Variants in NXPE2 observed in about 807,000 individuals in gnomAD.
NXPE2 encodes neurexophilin and PC-esterase domain family member 2.
Under a neutral mutation model 34.4 loss-of-function variants are expected in NXPE2, and 34 were observed. The observed-to-expected ratio is 0.99, with a 90% CI of 0.75 to 1.31. NXPE2 has a LOEUF of 1.31. Among genes scored for constraint, NXPE2 ranks in the 40% most tolerant of loss-of-function variants. NXPE2 has a pLI of 0.00. For missense variants in NXPE2, 649 were observed against 672.5 expected, an observed-to-expected ratio of 0.97 and a Z score of 0.39; for synonymous variants, 235 against 231.3, an observed-to-expected ratio of 1.02 and a Z score of -0.15.
chr11:114,772,309 A>G, the NXPE2 span, among the ~76,000 whole-genome samples: 1 of 152,150 alleles, frequency 6.6e-6, no homozygotes, highest in African/African-American at 2.4e-5. Context: ...GGTAATTAGT[A>G]CAGACTCTGA....
At chr11:114,617,106 C>T in the NXPE2 span, among the ~76,000 whole-genome samples, 2 of 151,430 alleles carry the variant, frequency 1.3e-5, 1 homozygote, top group South Asian at 4.2e-4. Context: ...ATAAGTGTTG[C>T]CTCGTGGGTA....
At chr11:114,530,048 A>G in the NXPE2 span, 1 of 972,264 alleles carries the variant, frequency 1.0e-6, no homozygotes, top group Non-Finnish European at 1.5e-6. Flanking sequence ...CCCCAAGAAG[A>G]CACCACATGT....
At chr11:114,593,047 T>C in the NXPE2 span, among the ~76,000 whole-genome samples, 1 of 152,226 alleles carries the variant, frequency 6.6e-6, no homozygotes, top group Non-Finnish European at 1.5e-5. Context: ...TAAAGACTGA[T>C]ATGCATGACC....
the NXPE2 span, among the ~76,000 whole-genome samples, chr11:114,561,232 T>C: frequency 6.6e-6 from 1 of 152,226 alleles, no homozygotes; most frequent in South Asian, 2.1e-4. Flanking sequence ...AAACAGTTTC[T>C]GACACTTAGT....
chr11:114,535,310 C>T, the NXPE2 span, among the ~76,000 whole-genome samples: 1 of 152,150 alleles, frequency 6.6e-6, no homozygotes, highest in Non-Finnish European at 1.5e-5. Context: ...GCAACCGGTA[C>T]CAGCCACTGC....
upstream of NXPE2, among the ~76,000 whole-genome samples, chr11:114,675,340 A>G (rs934217261): frequency 6.6e-6 from 1 of 151,906 alleles, no homozygotes; most frequent in Admixed American, 6.6e-5. Context: ...AATAAAAGGC[A>G]TCCAAATAAA....
At chr11:114,648,733 G>A in the NXPE2 span, among the ~76,000 whole-genome samples, 10 of 152,162 alleles carry the variant, frequency 6.6e-5, no homozygotes, top group African/African-American at 2.2e-4. Flanking sequence ...CAACTATCCC[G>A]CATACAACTA....
chr11:114,621,852 C>T, the NXPE2 span, among the ~76,000 whole-genome samples: 1 of 151,982 alleles, frequency 6.6e-6, no homozygotes, highest in East Asian at 1.9e-4. Context: ...AATATTGCCT[C>T]ATGGGTAAAC....
At chr11:114,748,696 C>G in the NXPE2 span, among the ~76,000 whole-genome samples, 1 of 152,290 alleles carries the variant, frequency 6.6e-6, no homozygotes, top group South Asian at 2.1e-4. Flanking sequence ...TTAGATGACA[C>G]AGATTCCAAT....
the NXPE2 span, among the ~76,000 whole-genome samples, chr11:114,758,687 T>C: frequency 6.6e-6 from 1 of 152,056 alleles, no homozygotes; most frequent in Non-Finnish European, 1.5e-5. Flanking sequence ...CTTGCATAGA[T>C]TCCTTCTAAG....
the NXPE2 span, among the ~76,000 whole-genome samples, chr11:114,742,274 G>A: frequency 6.6e-6 from 1 of 152,140 alleles, no homozygotes; most frequent in Admixed American, 6.5e-5. Flanking sequence ...AGTTGTTGTT[G>A]TTCTGCGGAT....
At chr11:114,621,181 G>A in the NXPE2 span, among the ~76,000 whole-genome samples, 9 of 151,824 alleles carry the variant, frequency 5.9e-5, no homozygotes, top group East Asian at 1.4e-3. Context: ...GTGTTGCCTC[G>A]TGGGTAACCA....
the NXPE2 span, among the ~76,000 whole-genome samples, chr11:114,561,654 T>C: frequency 6.6e-6 from 1 of 152,336 alleles, no homozygotes; most frequent in East Asian, 1.9e-4. Context: ...ATTCTCTTCA[T>C]GCATCCAATG....
At chr11:114,803,142 G>A in the NXPE2 span, among the ~76,000 whole-genome samples, 1 of 152,202 alleles carries the variant, frequency 6.6e-6, no homozygotes. Flanking sequence ...TTTGTCAATT[G>A]TTCTGTACAC....
the NXPE2 span, among the ~76,000 whole-genome samples, chr11:114,717,305 GAT>G: frequency 6.6e-6 from 1 of 152,178 alleles, no homozygotes; most frequent in Non-Finnish European, 1.5e-5. Flanking sequence ...TAAAAGTCCT[GAT>G]TTGTAGCATC....
At chr11:114,516,660 A>G in the NXPE2 span, among the ~76,000 whole-genome samples, 1 of 152,174 alleles carries the variant, frequency 6.6e-6, no homozygotes, top group Non-Finnish European at 1.5e-5. Flanking sequence ...GAAGTGCCAC[A>G]TTATTTTACA....
At chr11:114,648,783 C>T in the NXPE2 span, among the ~76,000 whole-genome samples, 1 of 152,196 alleles carries the variant, frequency 6.6e-6, no homozygotes, top group Non-Finnish European at 1.5e-5. Flanking sequence ...GAGATAAAGT[C>T]CTTGAGTGAT....
At chr11:114,541,364 CA>C in the NXPE2 span, among the ~76,000 whole-genome samples, 1 of 151,996 alleles carries the variant, frequency 6.6e-6, no homozygotes, top group Non-Finnish European at 1.5e-5. Context: ...TAACTATGCT[CA>C]ATGAGGTAAA....
At chr11:114,467,984 A>T in the NXPE2 span, among the ~76,000 whole-genome samples, 1 of 151,976 alleles carries the variant, frequency 6.6e-6, no homozygotes, top group African/African-American at 2.4e-5. Flanking sequence ...CCTAAGAAAT[A>T]AGTAGAAGAA....
Sources: gnomAD v4.1 joint callset for allele counts (sites outside exome capture counted in the v4.1 genomes callset) on GRCh38, gnomAD v4.1.1 for gene constraint, MANE v1.5 for transcripts, NCBI Gene and HGNC (gene_info 2026-07-23, HGNC 2026-07-21) for gene names.